The following EPB41 variants were observed in gnomAD, a reference collection of about 807,000 sequenced individuals.
The protein encoded by EPB41 is protein 4.1.
A neutral mutation model predicts 108.0 loss-of-function variants in EPB41; 65 were observed. The observed-to-expected ratio is 0.60, with a 90% CI of 0.49 to 0.74. The LOEUF (loss-of-function observed/expected upper bound fraction) is 0.74. Among genes scored for constraint, EPB41 ranks in the 30% least tolerant of loss-of-function variants. EPB41 has a pLI of 0.00. For missense variants in EPB41, 875 were observed against 1,037.0 expected (o/e 0.84, Z 2.15); for synonymous variants, 336 against 358.9 (o/e 0.94, Z 0.72).
chr1:29,033,063 G>A, intron 8 of EPB41, 30 bp from the exon 9 acceptor site: 1 of 1,611,802 alleles, frequency 6.2e-7, no homozygotes, highest in Non-Finnish European at 8.5e-7. Context: ...CTTTGCTCCA[G>A]ACTGAAATCC....
chr1:29,027,164 G>A (rs1309847844), intron 7 of EPB41, among the ~76,000 whole-genome samples: 2 of 151,814 alleles, frequency 1.3e-5, no homozygotes, highest in Non-Finnish European at 2.9e-5. Flanking sequence ...GTTATGTTGT[G>A]CAACCTGAAC....
At chr1:28,967,387 A>G (rs528040567) in intron 1 of EPB41, among the ~76,000 whole-genome samples, 1 of 152,306 alleles carries the variant, frequency 6.6e-6, no homozygotes, top group African/African-American at 2.4e-5. Context: ...AAAGTTACTG[A>G]TACTTTGGAA....
chr1:28,908,332 G>A (rs1458685088), intron 1 of EPB41, among the ~76,000 whole-genome samples: 4 of 150,962 alleles, frequency 2.6e-5, no homozygotes, highest in African/African-American at 9.7e-5. Context: ...AACCTGGCAG[G>A]CAGAGGCCGC....
At chr1:28,932,110 G>GTT (rs1224715390) in intron 1 of EPB41, among the ~76,000 whole-genome samples, 11 of 152,064 alleles carry the variant, frequency 7.2e-5, no homozygotes, top group Non-Finnish European at 4.4e-5. Context: ...CTAGAAACTT[G>GTT]TAGTGTTTTG....
At chr1:29,008,228 C>T (rs1397486125) in intron 4 of EPB41, among the ~76,000 whole-genome samples, 1 of 152,182 alleles carries the variant, frequency 6.6e-6, no homozygotes, top group Admixed American at 6.5e-5. Flanking sequence ...TGAGCCCATC[C>T]TTCCCCTACA....
At chr1:29,058,520 G>A in intron 12 of EPB41, 69 bp from the exon 13 acceptor site, 4 of 1,381,750 alleles carry the variant, frequency 2.9e-6, no homozygotes, top group Non-Finnish European at 1.0e-6. Flanking sequence ...CAGCTTATTT[G>A]GAAACAACAC....
At chr1:29,106,348 T>C (rs948296116) in intron 17 of EPB41, among the ~76,000 whole-genome samples, 1 of 152,190 alleles carries the variant, frequency 6.6e-6, no homozygotes, top group Admixed American at 6.5e-5. Context: ...ATTCATGTTA[T>C]AACAATTTAT....
At chr1:29,012,974 A>G (rs879480031) in intron 5 of EPB41, among the ~76,000 whole-genome samples, 2 of 152,206 alleles carry the variant, frequency 1.3e-5, no homozygotes, top group African/African-American at 2.4e-5. Context: ...TATTAGGAAC[A>G]TATGATTATC....
intron 4 of EPB41, among the ~76,000 whole-genome samples, chr1:29,010,618 G>C (rs1403912460): frequency 2.0e-5 from 3 of 152,124 alleles, no homozygotes; most frequent in African/African-American, 7.2e-5. Flanking sequence ...TTAATGGTGA[G>C]GTTCTTTTCC....
At chr1:28,928,070 G>T (rs764494985) in intron 1 of EPB41, among the ~76,000 whole-genome samples, 2 of 151,920 alleles carry the variant, frequency 1.3e-5, no homozygotes, top group Non-Finnish European at 2.9e-5. Context: ...GTAACATCTG[G>T]TATGTTACTA....
In EPB41 at chr1:29,039,361, T is replaced by C. The variant is rs969632135; in HGVS notation, c.1571T>C (p.Ile524Thr). 1.2e-6 allele frequency: 2 copies of C among 1,614,038 alleles called. No individual in the cohort carries two copies. Among genetic ancestry groups the C allele is most frequent in the African/African-American group, 1.3e-5 (1 of 74,916 alleles). Residue 524 changes from isoleucine to threonine, a missense_variant, in exon 11 of 21, where the codon ATT (isoleucine) becomes ACT (threonine). Physicochemically the swap from Ile to Thr is moderately conservative, Grantham distance 89 (BLOSUM62 -1). Transcript: ENST00000343067. ...CAGACCAGGCAAGCTAGTGCTCTAA[T>C]TGACAGGCCTGCCCCACACTTCGAG... ...QAQTRQASAL[I>T]DRPAPHFERT... is the part of the protein sequence containing the mutation.
At chr1:29,099,886 T>C (rs1163696174) in intron 17 of EPB41, among the ~76,000 whole-genome samples, 1 of 152,150 alleles carries the variant, frequency 6.6e-6, no homozygotes, top group East Asian at 1.9e-4. Flanking sequence ...ACATAAACAA[T>C]GTATAAGTAA....
intron 7 of EPB41, among the ~76,000 whole-genome samples, chr1:29,024,681 C>G (rs535249846): frequency 6.6e-6 from 1 of 151,686 alleles, no homozygotes; most frequent in Non-Finnish European, 1.5e-5. Flanking sequence ...AAAAAAAATT[C>G]TTATCCTCAC....
At chr1:29,037,941 C>T (rs1640124565) in intron 10 of EPB41, among the ~76,000 whole-genome samples, 2 of 152,124 alleles carry the variant, frequency 1.3e-5, no homozygotes, top group South Asian at 4.1e-4. Flanking sequence ...ATTATCACCC[C>T]AAAGCCAATC....
chr1:28,993,247 T>C, intron 2 of EPB41, 83 bp from the exon 3 acceptor site: 2 of 1,102,420 alleles, frequency 1.8e-6, no homozygotes, highest in Non-Finnish European at 2.8e-6. Flanking sequence ...CTTTTATTGG[T>C]AAGATTATTA....
chr1:29,013,448 T>C (rs2096534682), intron 5 of EPB41, among the ~76,000 whole-genome samples: 1 of 152,160 alleles, frequency 6.6e-6, no homozygotes, highest in African/African-American at 2.4e-5. Context: ...ACTGTAAACA[T>C]TTTTTTAAGC....
chr1:29,111,487 A>C (rs1669140565), intron 18 of EPB41, among the ~76,000 whole-genome samples: 1 of 151,694 alleles, frequency 6.6e-6, no homozygotes, highest in Admixed American at 6.6e-5. Flanking sequence ...CCCCGTCTCT[A>C]CTAAAAATAG....
chr1:28,901,499 A>G (rs2091313069), intron 1 of EPB41, among the ~76,000 whole-genome samples: 2 of 152,122 alleles, frequency 1.3e-5, no homozygotes, highest in South Asian at 2.1e-4. Flanking sequence ...TTGGGATTAC[A>G]GGCGTGAGCC....
intron 16 of EPB41, chr1:29,068,858 C>T (rs1233218744): frequency 2.7e-6 from 3 of 1,108,596 alleles, no homozygotes; most frequent in Admixed American, 4.2e-5. Flanking sequence ...ATAATCCCCC[C>T]AGAACTGAAC....
Sources: allele counts gnomAD v4.1 joint callset (sites outside exome capture counted in the v4.1 genomes callset), GRCh38; gene constraint gnomAD v4.1.1; transcripts MANE v1.5; gene names NCBI Gene and HGNC (gene_info 2026-07-23, HGNC 2026-07-21).